TBCEL: variants seen among roughly 807,000 people sequenced by gnomAD.
TBCEL encodes the protein tubulin folding cofactor E like, also known as tubulin-specific chaperone cofactor E-like protein.
In TBCEL, 15 loss-of-function variants were observed where a neutral mutation model predicts 44.2. The observed-to-expected ratio is 0.34, with a 90% CI of 0.23 to 0.52. The LOEUF (loss-of-function observed/expected upper bound fraction) is 0.52. Ranked by LOEUF, TBCEL falls within the 20% of genes least tolerant of loss-of-function variation. The probability of loss-of-function intolerance (pLI) is 0.95; values close to 1 mark genes in which losing one functional copy is unlikely to be tolerated. For missense variants in TBCEL, 319 were observed against 506.3 expected (o/e 0.63, Z 3.55); for synonymous variants, 171 against 185.4 (o/e 0.92, Z 0.63).
At chr11:121,035,241 G>C (rs1423173714) in intron 1 of TBCEL, 1 of 152,036 alleles carries the variant, frequency 6.6e-6, no homozygotes, top group Non-Finnish European at 1.5e-5. Context: ...TCATTCTTCA[G>C]TAACCCTATG....
chr11:121,062,855 C>G (rs1010119432), intron 8 of TBCEL, among the ~76,000 whole-genome samples: 1 of 152,186 alleles, frequency 6.6e-6, no homozygotes, highest in African/African-American at 2.4e-5. Context: ...GCACTGTCAT[C>G]TCTAGACACC....
chr11:121,067,446 C>T (rs1270419323), intron 8 of TBCEL, among the ~76,000 whole-genome samples: 1 of 152,180 alleles, frequency 6.6e-6, no homozygotes, highest in Non-Finnish European at 1.5e-5. Context: ...ATAGGTAGAG[C>T]TGGAAGTTTA....
At chr11:121,047,856 G>A (rs1945457004) in intron 4 of TBCEL, 189 bp downstream of exon 4, 1 of 608,582 alleles carries the variant, frequency 1.6e-6, no homozygotes, top group African/African-American at 1.9e-5. Flanking sequence ...CAGTGCTAAG[G>A]AGGCTGAGGC....
intron 1 of TBCEL, among the ~76,000 whole-genome samples, chr11:121,026,124 T>C (rs942241061): frequency 6.6e-6 from 1 of 152,192 alleles, no homozygotes; most frequent in East Asian, 1.9e-4. Context: ...ATGAAAAATA[T>C]ATGAAAAATA....
chr11:121,025,298 A>C (rs144464449), intron 1 of TBCEL, among the ~76,000 whole-genome samples: 3 of 152,116 alleles, frequency 2.0e-5, no homozygotes, highest in African/African-American at 7.2e-5. Context: ...CCAGTAGTCT[A>C]TCTTGAGCAA....
In TBCEL at chr11:121,047,678, T is replaced by C; in HGVS notation, c.273+11T>C. 1.2e-6 allele frequency: 2 copies of C among 1,611,784 alleles called. No individual in the cohort carries two copies. Among genetic ancestry groups the C allele is most frequent in the South Asian group, 1.1e-5 (1 of 90,990 alleles). Reference sequence around the variant, plus strand: ...GAAGACTGGCATGAGGTGAAGTTTTTATATTGCTACATTTTAGTGAAAAGC... The same window carrying C: ...GAAGACTGGCATGAGGTGAAGTTTTCATATTGCTACATTTTAGTGAAAAGC... On this transcript the variant is annotated intron_variant, in intron 4 of 8. Transcript: ENST00000683345.
chr11:121,055,460 A>G (rs1945602709), intron 6 of TBCEL, 152 bp downstream of exon 6: 1 of 746,064 alleles, frequency 1.3e-6, no homozygotes, highest in Admixed American at 3.7e-5. Context: ...GGCTAAATTT[A>G]AGAGATTCAT....
At chr11:121,057,763 A>T (rs1187705658) in intron 6 of TBCEL, 3 of 345,450 alleles carry the variant, frequency 8.7e-6, no homozygotes, top group Non-Finnish European at 1.7e-5. Context: ...TTATATGCAA[A>T]TGCTATACTG....
At chr11:121,079,981 T>C (rs1289767941) in intron 8 of TBCEL, among the ~76,000 whole-genome samples, 1 of 151,122 alleles carries the variant, frequency 6.6e-6, no homozygotes, top group Non-Finnish European at 1.5e-5. Context: ...CGTCTGGCTA[T>C]TTTTTTTGTA....
intron 1 of TBCEL, among the ~76,000 whole-genome samples, chr11:121,031,662 C>CT (rs1159376351): frequency 0.051 from 5,229 of 101,850 alleles, 220 homozygotes; most frequent in African/African-American, 0.06. Flanking sequence ...TTTTTTCTTT[C>CT]TTTTTTTTTT....
At chr11:121,048,643 T>C (rs1945475887) in intron 4 of TBCEL, among the ~76,000 whole-genome samples, 1 of 151,884 alleles carries the variant, frequency 6.6e-6, no homozygotes, top group African/African-American at 2.4e-5. Flanking sequence ...TTTTAATATA[T>C]GACTCATGAT....
chr11:121,026,970 G>C (rs1018932569), intron 1 of TBCEL, among the ~76,000 whole-genome samples: 1 of 152,050 alleles, frequency 6.6e-6, no homozygotes, highest in Non-Finnish European at 1.5e-5. Context: ...ACCTGTAGCA[G>C]GCTCTTTTCT....
At chr11:121,085,663 G>A (rs568396751) in intron 8 of TBCEL, among the ~76,000 whole-genome samples, 73 of 152,210 alleles carry the variant, frequency 4.8e-4, no homozygotes, top group Non-Finnish European at 9.4e-4. Flanking sequence ...TCTAAGCACA[G>A]CAATCTTTTT....
rs142709551 is a variant in TBCEL, at chr11:121,039,092, A to C, written c.-18+2480A>C. On this transcript the variant is annotated intron_variant, in intron 2 of 8. Transcript: ENST00000683345. ...GTTTTATCTTTGCAGGATAAAGTCT[A>C]GACCAAGAAAGTCATGACCTTACTG... Among the ~76,000 whole-genome samples the C allele has an allele frequency of 1.5e-3, 223 of 152,330 alleles. 2 individuals are homozygous for C. The highest frequency in any genetic ancestry group is 5.2e-3 in the African/African-American group (217 of 41,584).
intron 8 of TBCEL, among the ~76,000 whole-genome samples, chr11:121,071,896 G>A (rs898936330): frequency 6.6e-6 from 1 of 152,088 alleles, no homozygotes; most frequent in Non-Finnish European, 1.5e-5. Flanking sequence ...ACCTGCTGTT[G>A]TGAAGGAACA....
chr11:121,045,122 AT>A lies in TBCEL; in HGVS notation c.-17-551del, dbSNP rs1280104254. On this transcript the variant is annotated intron_variant, in intron 2 of 8. Coordinates refer to ENST00000683345, the MANE Select transcript of TBCEL (RefSeq NM_001363644.2). ...GGAGGGCAAGTGGCACACTCTGGTC[AT>A]CTTTTAACGATGATTCTTAGAAGCT... Among the ~76,000 whole-genome samples, 5 of 152,124 alleles carry A rather than the reference AT, an allele frequency of 3.3e-5. 1 individual carries two copies. The highest frequency in any genetic ancestry group is 1.3e-4 in the Admixed American group (2 of 15,256).
intron 8 of TBCEL, among the ~76,000 whole-genome samples, chr11:121,060,457 A>G (rs1945702108): frequency 6.6e-6 from 1 of 151,918 alleles, no homozygotes. Context: ...AGGATATACT[A>G]AGTTCTCCGG....
intron 2 of TBCEL, among the ~76,000 whole-genome samples, chr11:121,043,405 A>T (rs1945369797): frequency 6.6e-6 from 1 of 152,172 alleles, no homozygotes; most frequent in Non-Finnish European, 1.5e-5. Flanking sequence ...ATAATTAAAC[A>T]ATATAAGCAA....
chr11:121,050,118 C>G (rs995789575), intron 4 of TBCEL, among the ~76,000 whole-genome samples: 1 of 151,630 alleles, frequency 6.6e-6, no homozygotes, highest in Non-Finnish European at 1.5e-5. Flanking sequence ...GAGGATATAT[C>G]AGAACATAGA....
Sources: gnomAD v4.1 joint callset for allele counts (sites outside exome capture counted in the v4.1 genomes callset) on GRCh38, gnomAD v4.1.1 for gene constraint, MANE v1.5 for transcripts, NCBI Gene and HGNC (gene_info 2026-07-23, HGNC 2026-07-21) for gene names.